SHISA6: variants seen among roughly 807,000 people sequenced by gnomAD.
SHISA6 encodes the protein shisa family member 6.
SHISA6 carries 22 observed loss-of-function variants against 47.9 expected under a neutral mutation model. The ratio of observed to expected loss-of-function variants is 0.46; its 90% CI spans 0.33 to 0.66. The LOEUF (loss-of-function observed/expected upper bound fraction) is 0.66, where lower values mean the gene tolerates loss of function less well. SHISA6 is among the 30% of genes least tolerant of loss of function. The pLI, the probability that SHISA6 is intolerant of heterozygous loss-of-function variation, is 0.02. For synonymous variants in SHISA6, 388 were observed against 337.8 expected, an observed-to-expected ratio of 1.15 and a Z score of -1.63; for missense variants, 680 against 764.6, an observed-to-expected ratio of 0.89 and a Z score of 1.30.
chr17:11,244,797 G>T (rs569846336), intron 1 of SHISA6, among the ~76,000 whole-genome samples: 2 of 152,180 alleles, frequency 1.3e-5, no homozygotes, highest in East Asian at 3.9e-4. Context: ...TTCTGAACAA[G>T]AAAGACAAAC....
Position 11,558,366 on chromosome 17 carries a change from A to G in SHISA6, c.*62A>G. ...AGCAGAGCGGGGGCCGGGAGGGGCC[A>G]GGAGCAGAGCTTCTAGCCTTGCCAC... On this transcript the variant is annotated 3_prime_UTR_variant, in exon 6 of 6. Coordinates refer to ENST00000441885, the MANE Select transcript of SHISA6 (RefSeq NM_207386.4). 5 of 1,479,574 alleles carry G rather than the reference A, an allele frequency of 3.4e-6. No individual in the cohort carries two copies. In the South Asian group the frequency reaches 5.2e-5, roughly 15 times the overall value. The allele number at this position is 1,479,574 out of a possible 1,614,324, so 91.7% of individuals were successfully genotyped here.
intron 2 of SHISA6, among the ~76,000 whole-genome samples, chr17:11,314,595 G>A (rs1487975326): frequency 1.3e-5 from 2 of 150,754 alleles, no homozygotes. Flanking sequence ...GAGTACAATG[G>A]CACAGTCTCG....
intron 3 of SHISA6, among the ~76,000 whole-genome samples, chr17:11,542,330 A>G (rs2024479): frequency 0.47 from 69,017 of 147,844 alleles, 16,281 homozygotes; most frequent in East Asian, 0.6. Context: ...TCACAGTGCT[A>G]CAAGAAAAAA....
At chr17:11,433,026 A>G (rs550613982) in intron 3 of SHISA6, among the ~76,000 whole-genome samples, 2 of 152,350 alleles carry the variant, frequency 1.3e-5, no homozygotes, top group Non-Finnish European at 2.9e-5. Context: ...ATTGAATCAT[A>G]TACTTCAAAT....
At chr17:11,498,755 C>T (rs1334077939) in intron 3 of SHISA6, among the ~76,000 whole-genome samples, 1 of 152,110 alleles carries the variant, frequency 6.6e-6, no homozygotes, top group Non-Finnish European at 1.5e-5. Context: ...CCAGAAAGAC[C>T]TGGGCTGGAC....
intron 3 of SHISA6, among the ~76,000 whole-genome samples, chr17:11,496,907 A>T (rs2071414236): frequency 6.6e-6 from 1 of 152,226 alleles, no homozygotes; most frequent in Non-Finnish European, 1.5e-5. Context: ...CTATGTGACT[A>T]CATTTTTTCA....
intron 3 of SHISA6, among the ~76,000 whole-genome samples, chr17:11,483,576 A>G (rs887552146): frequency 2.6e-5 from 4 of 152,378 alleles, no homozygotes; most frequent in Admixed American, 2.6e-4. Flanking sequence ...GCAGTGTTGC[A>G]CAGAATTCAA....
chr17:11,447,501 A>T (rs1388821640), intron 3 of SHISA6, among the ~76,000 whole-genome samples: 1 of 152,180 alleles, frequency 6.6e-6, no homozygotes, highest in Non-Finnish European at 1.5e-5. Context: ...CCTTGAGTTA[A>T]CACAGATCTT....
At chr17:11,386,388 G>A (rs1458945510) in intron 3 of SHISA6, among the ~76,000 whole-genome samples, 1 of 151,934 alleles carries the variant, frequency 6.6e-6, no homozygotes, top group Admixed American at 6.6e-5. Context: ...AAATTAAAAA[G>A]AAAAAGAAAA....
At chr17:11,278,684 C>T (rs577836760) in intron 2 of SHISA6, among the ~76,000 whole-genome samples, 18 of 152,302 alleles carry the variant, frequency 1.2e-4, no homozygotes, top group East Asian at 3.9e-4. Context: ...AGCAGCTGGG[C>T]GAAGGCCACA....
chr17:11,335,401 C>A (rs1911284045), intron 2 of SHISA6, among the ~76,000 whole-genome samples: 1 of 152,130 alleles, frequency 6.6e-6, no homozygotes, highest in South Asian at 2.1e-4. Flanking sequence ...AGGACATGAC[C>A]CTGAGCAGGG....
In SHISA6 at chr17:11,558,190, G is replaced by T; in HGVS notation, c.1542G>T (p.Thr514=). 1 of 1,545,256 alleles carries T rather than the reference G, an allele frequency of 6.5e-7. No homozygotes were observed. The part of the protein sequence containing the change: ...NSYATLGQSQ[T]AAKRHAFASR... ...ACGCCACCCTGGGCCAGAGCCAGAC[G>T]GCAGCCAAGCGTCATGCCTTTGCCT... Residue 514 remains threonine, a synonymous_variant, in exon 6 of 6, where the codon ACG becomes ACT. Coordinates refer to ENST00000441885, the MANE Select transcript of SHISA6 (RefSeq NM_207386.4).
chr17:11,366,809 G>A (rs1434696286), intron 2 of SHISA6, among the ~76,000 whole-genome samples: 26 of 152,210 alleles, frequency 1.7e-4, no homozygotes, highest in Admixed American at 1.7e-3. Flanking sequence ...AATGGTGTAT[G>A]TGGAGGGTTG....
rs1913110686 is a variant in SHISA6, at chr17:11,383,837, C to T, written c.895+4328C>T. Among the ~76,000 whole-genome samples, 2 of 152,072 alleles carry T rather than the reference C, an allele frequency of 1.3e-5. 1 individual carries two copies. Among genetic ancestry groups the T allele is most frequent in the Admixed American group, 1.3e-4 (2 of 15,268 alleles). ...TGATCTGAATGACCATGAGTTTAGG[C>T]CAAGTTCCCCCTGAAATATTTTCTT... On this transcript the variant is annotated intron_variant, in intron 3 of 5. Coordinates refer to ENST00000441885, the MANE Select transcript of SHISA6 (RefSeq NM_207386.4).
At chr17:11,349,324 A>G (rs1408000927) in intron 2 of SHISA6, among the ~76,000 whole-genome samples, 1 of 152,172 alleles carries the variant, frequency 6.6e-6, no homozygotes, top group African/African-American at 2.4e-5. Context: ...GAAAGAAACT[A>G]TTTATCAGCT....
At chr17:11,385,076 T>G (rs1913149474) in intron 3 of SHISA6, among the ~76,000 whole-genome samples, 1 of 152,042 alleles carries the variant, frequency 6.6e-6, no homozygotes, top group Non-Finnish European at 1.5e-5. Flanking sequence ...CAAGTAAATA[T>G]ATGAAGTAGG....
intron 1 of SHISA6, among the ~76,000 whole-genome samples, chr17:11,254,020 C>T (rs1907917225): frequency 6.6e-6 from 1 of 152,218 alleles, no homozygotes; most frequent in Non-Finnish European, 1.5e-5. Flanking sequence ...GAGACAGCAT[C>T]ACACCTACTG....
chr17:11,498,747 A>AAGGGCTTGGACTGTGGAGCCG (rs1400669070), intron 3 of SHISA6, among the ~76,000 whole-genome samples: 1 of 152,218 alleles, frequency 6.6e-6, no homozygotes, highest in Non-Finnish European at 1.5e-5. Context: ...CTGTGGAGCC[A>AAGGGCTTGGACTGTGGAGCCG]GAAAGACCTG....
At chr17:11,348,343 G>A (rs1239209469) in intron 2 of SHISA6, among the ~76,000 whole-genome samples, 1 of 152,132 alleles carries the variant, frequency 6.6e-6, no homozygotes, top group Non-Finnish European at 1.5e-5. Context: ...CAATAGCCAT[G>A]CACCTGCAGA....
Sources: gnomAD v4.1 joint callset for allele counts (sites outside exome capture counted in the v4.1 genomes callset) on GRCh38, gnomAD v4.1.1 for gene constraint, MANE v1.5 for transcripts, NCBI Gene and HGNC (gene_info 2026-07-23, HGNC 2026-07-21) for gene names.